The following IL9 variants were observed in gnomAD, a reference collection of about 807,000 sequenced individuals.
IL9 encodes interleukin 9.
In IL9, 16 loss-of-function variants were observed where a neutral mutation model predicts 12.9. That is an observed-to-expected ratio of 1.24 (90% CI 0.84 to 1.88). The LOEUF (loss-of-function observed/expected upper bound fraction) is 1.88, where lower values mean the gene tolerates loss of function less well. Ranked by LOEUF, IL9 falls within the 40% of genes most tolerant of loss-of-function variation. The pLI, the probability that IL9 is intolerant of heterozygous loss-of-function variation, is 0.00. For synonymous variants in IL9, 69 were observed against 63.8 expected (o/e 1.08, Z -0.39); for missense variants, 170 against 173.1 (o/e 0.98, Z 0.10).
chr5:135,892,387 A>G lies in IL9; in HGVS notation c.*4T>C, dbSNP rs764277805. The G allele has an allele frequency of 2.5e-6, 4 of 1,578,532 alleles. No individual in the cohort carries two copies. The highest frequency in any genetic ancestry group is 4.5e-5 in the East Asian group (2 of 44,662). ...TAATAAATAGGATAAATAATATTTC[A>G]TCTTCATATCTTGCCTCTCATCCCT... is the stretch of plus-strand genomic sequence containing the variant. On this transcript the variant is annotated 3_prime_UTR_variant, in exon 5 of 5. Transcript: ENST00000274520.
At chr5:135,893,988 C>A in intron 4 of IL9, 32 bp downstream of exon 4, 1 of 1,588,654 alleles carries the variant, frequency 6.3e-7, no homozygotes, top group South Asian at 1.2e-5. Context: ...AAATCACCAA[C>A]AGGAACATAT....
chr5:135,895,146 A>T (rs1762923091), intron 3 of IL9, among the ~76,000 whole-genome samples: 1 of 152,194 alleles, frequency 6.6e-6, no homozygotes, highest in Non-Finnish European at 1.5e-5. Context: ...GCACATGGCC[A>T]CCTATCTAAA....
chr5:135,892,733 TACACACACAC>T (rs59978451), intron 4 of IL9, among the ~76,000 whole-genome samples: 215 of 137,868 alleles, frequency 1.6e-3, no homozygotes, highest in African/African-American at 4.6e-3. Flanking sequence ...CAGGGGTCTT[TACACACACAC>T]ACACACACAC....
Position 135,892,463 on chromosome 5 carries a change from C to A in IL9, c.363G>T (p.Ala121=), listed in dbSNP as rs141219153. The part of the protein sequence containing the change: ...QPCNQTTAGN[A]LTFLKSLLEI... The stretch of plus-strand genomic sequence containing the variant: ...CCAGAAGACTCTTCAGAAATGTCAG[C>A]GCGTTGCCTGCCGTGGTTTGGTTGC... Residue 121 remains alanine, a synonymous_variant, in exon 5 of 5, where the codon GCG becomes GCT. Coordinates refer to ENST00000274520, the MANE Select transcript of IL9 (RefSeq NM_000590.2). 6.2e-6 allele frequency: 10 copies of A among 1,613,224 alleles called. No individual in the cohort carries two copies. The South Asian group carries it at 7.7e-5, about 12-fold the overall frequency.
At position 135,895,693 on chromosome 5, in the gene IL9, T is replaced by G. The variant is rs201454539; in HGVS notation, c.114+10A>C. On this transcript the variant is annotated intron_variant, in intron 1 of 4. Transcript: ENST00000274520. ...AGCTGTCTTTCCCATGGGCTCCCCC[T>G]GCAGCCTACCTGCATCTTGTTGATG... The G allele has an allele frequency of 1.9e-6, 3 of 1,611,310 alleles. No homozygotes were observed. In the East Asian group the frequency reaches 6.7e-5, roughly 36 times the overall value.
intron 4 of IL9, among the ~76,000 whole-genome samples, chr5:135,892,778 A>ACACACC (rs71221390): frequency 1.9e-4 from 25 of 134,578 alleles, no homozygotes; most frequent in Non-Finnish European, 3.1e-4. Flanking sequence ...ACACACACAC[A>ACACACC]CCCCTATTAA....
chr5:135,895,410 G>C (rs776009290), intron 3 of IL9, 30 bp downstream of exon 3: 1 of 1,581,972 alleles, frequency 6.3e-7, no homozygotes, highest in Non-Finnish European at 8.6e-7. Flanking sequence ...AAAATCCAAG[G>C]TCAACATTAT....
intron 4 of IL9, 75 bp downstream of exon 4, chr5:135,893,945 G>A (rs553366479): frequency 1.5e-5 from 20 of 1,292,210 alleles, no homozygotes; most frequent in African/African-American, 4.5e-5. Context: ...ATCCTTTTGT[G>A]TTCAAACAGG....
At chr5:135,895,141 T>G (rs1035563882) in intron 3 of IL9, among the ~76,000 whole-genome samples, 2 of 152,288 alleles carry the variant, frequency 1.3e-5, no homozygotes, top group African/African-American at 4.8e-5. Context: ...ATTGTGCACA[T>G]GGCCACCTAT....
chr5:135,892,964 A>G (rs1336953018), intron 4 of IL9, among the ~76,000 whole-genome samples: 1 of 152,204 alleles, frequency 6.6e-6, no homozygotes, highest in Non-Finnish European at 1.5e-5. Context: ...CCACTTATCA[A>G]ATATGCAGCC....
At chr5:135,895,290 A>G in intron 3 of IL9, 150 bp downstream of exon 3, 2 of 627,872 alleles carry the variant, frequency 3.2e-6, no homozygotes, top group Non-Finnish European at 5.5e-6. Flanking sequence ...ATAATTTGTA[A>G]CAATGTGGTT....
In IL9 at chr5:135,895,750, T is replaced by C. The variant is rs748036907; in HGVS notation, c.67A>G (p.Thr23Ala). ...TTGATGTCCAGGATCCCCGCCAAGG[T>C]TGGACACCCCTGGCCTGCCACGGAG... ...LCSVAGQGCPTLAGILDINFL... is the reference protein window; with the variant it reads ...LCSVAGQGCPALAGILDINFL... The change falls in exon 1 of 5, where the codon ACC becomes GCC. Residue 23 changes from threonine to alanine, a missense_variant. Transcript: ENST00000274520. 1.5e-5 allele frequency: 25 copies of C among 1,613,936 alleles called. No homozygotes were observed. The South Asian group carries it at 1.9e-4, about 12-fold the overall frequency.
At position 135,894,095 on chromosome 5, in the gene IL9, G is replaced by A. The variant is rs1342104048; in HGVS notation, c.240C>T (p.Thr80=). 1 of 1,613,184 alleles carries A rather than the reference G, an allele frequency of 6.2e-7. No homozygotes were observed. Among genetic ancestry groups the A allele is most frequent in the Admixed American group, 1.7e-5 (1 of 59,872 alleles). ...SERLSQMTNT[T]MQTRYPLIFS... is the part of the protein sequence containing the mutation. ...AAATCAGTGGGTATCTTGTTTGCAT[G>A]GTGGTATTGGTCATCTGAGACAGTC... Residue 80 remains threonine, a synonymous_variant, in exon 4 of 5, where the codon ACC becomes ACT. Coordinates refer to ENST00000274520, the MANE Select transcript of IL9 (RefSeq NM_000590.2).
chr5:135,892,623 G>T, intron 4 of IL9, 113 bp from the exon 5 acceptor site: 1 of 1,213,182 alleles, frequency 8.2e-7, no homozygotes, highest in East Asian at 2.4e-5. Context: ...GTGGGGATGG[G>T]AAGGGAAGTG....
chr5:135,893,338 A>G (rs375581209), intron 4 of IL9, among the ~76,000 whole-genome samples: 142 of 152,310 alleles, frequency 9.3e-4, no homozygotes, highest in African/African-American at 3.3e-3. Context: ...CAGGCCAGGC[A>G]TGGTGGCTCA....
At position 135,895,832 on chromosome 5, in the gene IL9, G is replaced by C. The variant is rs982697871; in HGVS notation, c.-16C>G. 4.2e-5 allele frequency: 66 copies of C among 1,555,640 alleles called. No homozygotes were observed. Among genetic ancestry groups the C allele is most frequent in the Non-Finnish European group, 5.6e-5 (63 of 1,129,034 alleles). ...CCAGAAGCATCTTGACAGCGGACTG[G>C]AGCTCGCTTGCAGACACCTTCAAAT... is the stretch of plus-strand genomic sequence containing the variant. On this transcript the variant is annotated 5_prime_UTR_variant, in exon 1 of 5. Transcript: ENST00000274520.
In IL9 at chr5:135,895,687, T is replaced by TC. The variant is rs1206513662; in HGVS notation, c.114+15dup. 6 of 1,605,896 alleles carry TC rather than the reference T, an allele frequency of 3.7e-6. No individual in the cohort carries two copies. In the South Asian group the frequency reaches 6.6e-5, roughly 18 times the overall value. ...GTCAGTAGCTGTCTTTCCCATGGGCTCCCCCTGCAGCCTACCTGCATCTTG... is the reference window on the plus strand; with the variant it reads ...GTCAGTAGCTGTCTTTCCCATGGGCTCCCCCCTGCAGCCTACCTGCATCTTG... On this transcript the variant is annotated intron_variant, in intron 1 of 4. Coordinates refer to ENST00000274520, the MANE Select transcript of IL9 (RefSeq NM_000590.2).
chr5:135,894,104 G>A lies in IL9; in HGVS notation c.231C>T (p.Thr77=), dbSNP rs1216856744. ...GGTATCTTGTTTGCATGGTGGTATTGGTCATCTGAGACAGTCTCTCACTGA... is the reference window on the plus strand; with the variant it reads ...GGTATCTTGTTTGCATGGTGGTATTAGTCATCTGAGACAGTCTCTCACTGA... ...PCFSERLSQM[T]NTTMQTRYPL... The change falls in exon 4 of 5, where the codon ACC becomes ACT. Residue 77 remains threonine (T), a synonymous_variant. Transcript: ENST00000274520. 3 of 1,613,294 alleles carry A rather than the reference G, an allele frequency of 1.9e-6. No individual in the cohort carries two copies. Among genetic ancestry groups the A allele is most frequent in the Admixed American group, 3.3e-5 (2 of 59,870 alleles).
rs758674734 is a variant in IL9 at position 135,895,727 on chromosome 5, G to C, written c.90C>G (p.Ile30Met). Residue 30 changes from isoleucine (I) to methionine (M), a missense_variant, in exon 1 of 5, where the codon ATC becomes ATG. Coordinates refer to ENST00000274520, the MANE Select transcript of IL9 (RefSeq NM_000590.2). The stretch of plus-strand genomic sequence containing the variant: ...CCTGCATCTTGTTGATGAGGAAGTT[G>C]ATGTCCAGGATCCCCGCCAAGGTTG... The part of the protein sequence containing the change: ...GCPTLAGILD[I>M]NFLINKMQED... The C allele has an allele frequency of 6.2e-7, 1 of 1,613,934 alleles. No homozygotes were observed. Among genetic ancestry groups the C allele is most frequent in the Non-Finnish European group, 8.5e-7 (1 of 1,179,830 alleles).
Sources: gnomAD v4.1 joint callset for allele counts (sites outside exome capture counted in the v4.1 genomes callset) on GRCh38, gnomAD v4.1.1 for gene constraint, MANE v1.5 for transcripts, NCBI Gene and HGNC (gene_info 2026-07-23, HGNC 2026-07-21) for gene names.